The following SCAPER variants were observed in gnomAD, a reference collection of about 807,000 sequenced individuals.
SCAPER encodes the protein S phase cyclin A-associated protein in the endoplasmic reticulum.
Under a neutral mutation model 182.2 loss-of-function variants are expected in SCAPER, and 98 were observed. That is an observed-to-expected ratio of 0.54 (90% CI 0.46 to 0.64). The LOEUF is 0.64. Ranked by LOEUF, SCAPER falls within the 30% of genes least tolerant of loss-of-function variation. The probability of loss-of-function intolerance (pLI) is 0.00; values close to 1 mark genes in which losing one functional copy is unlikely to be tolerated. For missense variants in SCAPER, 1,432 were observed against 1,690.0 expected, an observed-to-expected ratio of 0.85 and a Z score of 2.68; for synonymous variants, 605 against 564.6, an observed-to-expected ratio of 1.07 and a Z score of -1.01.
intron 23 of SCAPER, among the ~76,000 whole-genome samples, chr15:76,508,240 C>T (rs772189433): frequency 1.3e-5 from 2 of 152,100 alleles, no homozygotes; most frequent in Non-Finnish European, 2.9e-5. Context: ...CTGCCTGTAG[C>T]AGTATTTCAT....
intron 23 of SCAPER, among the ~76,000 whole-genome samples, chr15:76,524,689 G>GTTTGTTTTTTTTTTTTT (rs2043058673): frequency 6.0e-5 from 3 of 50,110 alleles, no homozygotes; most frequent in Non-Finnish European, 7.0e-5. Context: ...TTTTTGTTCT[G>GTTTGTTTTTTTTTTTTT]TTTTTTTTTT....
chr15:76,677,678 T>C (rs1424088393), intron 20 of SCAPER, among the ~76,000 whole-genome samples: 1 of 151,124 alleles, frequency 6.6e-6, no homozygotes, highest in Non-Finnish European at 1.5e-5. Flanking sequence ...TATGCAGACA[T>C]GATCTCATCA....
intron 22 of SCAPER, among the ~76,000 whole-genome samples, chr15:76,603,056 T>C (rs2050045073): frequency 8.5e-6 from 1 of 117,178 alleles, no homozygotes; most frequent in South Asian, 2.7e-4. Context: ...TTATTATACT[T>C]TAAGTTTTAG....
chr15:76,744,210 C>G (rs1598474277), intron 15 of SCAPER, among the ~76,000 whole-genome samples: 2 of 152,072 alleles, frequency 1.3e-5, no homozygotes, highest in Admixed American at 1.3e-4. Flanking sequence ...AGGAAATACC[C>G]TTCTTGACAT....
intron 17 of SCAPER, among the ~76,000 whole-genome samples, chr15:76,717,025 G>T (rs2059921463): frequency 3.3e-5 from 5 of 151,392 alleles, no homozygotes; most frequent in Non-Finnish European, 4.4e-5. Flanking sequence ...TTTAAAAACA[G>T]CAAGAGAAAA....
At chr15:76,604,894 T>C (rs2050239362) in intron 22 of SCAPER, among the ~76,000 whole-genome samples, 1 of 152,038 alleles carries the variant, frequency 6.6e-6, no homozygotes, top group Admixed American at 6.6e-5. Flanking sequence ...GAGACTTTGC[T>C]GAAGTTGCTT....
chr15:76,708,535 T>C (rs913667368), intron 17 of SCAPER, among the ~76,000 whole-genome samples: 1 of 151,226 alleles, frequency 6.6e-6, no homozygotes, highest in African/African-American at 2.4e-5. Context: ...TAGTTTCAAA[T>C]CAATCAACTA....
At chr15:76,497,266 G>A (rs1411230082) in intron 24 of SCAPER, among the ~76,000 whole-genome samples, 1 of 151,922 alleles carries the variant, frequency 6.6e-6, no homozygotes, top group Non-Finnish European at 1.5e-5. Flanking sequence ...CTTCCCAAAT[G>A]CAAATTCCTG....
intron 23 of SCAPER, among the ~76,000 whole-genome samples, chr15:76,515,210 C>T (rs1000365718): frequency 6.6e-5 from 10 of 152,126 alleles, no homozygotes; most frequent in Admixed American, 3.9e-4. Context: ...CTTTGGAAGA[C>T]GCTCCCTGAG....
intron 4 of SCAPER, among the ~76,000 whole-genome samples, chr15:76,843,148 G>C (rs1173142046): frequency 1.3e-5 from 2 of 152,096 alleles, no homozygotes; most frequent in Admixed American, 6.6e-5. Context: ...ATAATCATGA[G>C]TAATTAAAAT....
chr15:76,797,650 A>C (rs904084661), intron 7 of SCAPER: 9 of 152,254 alleles, frequency 5.9e-5, no homozygotes, highest in Non-Finnish European at 1.3e-4. Flanking sequence ...CCAGGTGAGA[A>C]CTAAGAGATT....
intron 20 of SCAPER, among the ~76,000 whole-genome samples, chr15:76,699,798 G>A (rs1228183231): frequency 6.6e-6 from 1 of 152,254 alleles, no homozygotes; most frequent in Non-Finnish European, 1.5e-5. Context: ...CAAGTGCACA[G>A]GCTAGCAGTC....
chr15:76,687,402 T>C (rs538498875), intron 20 of SCAPER, among the ~76,000 whole-genome samples: 28 of 152,158 alleles, frequency 1.8e-4, no homozygotes, highest in South Asian at 6.2e-4. Flanking sequence ...AAAGTAAAAA[T>C]TAAAAATCAA....
chr15:76,596,350 A>C (rs1258722930), intron 22 of SCAPER, among the ~76,000 whole-genome samples: 1 of 114,322 alleles, frequency 8.7e-6, no homozygotes, highest in Non-Finnish European at 2.1e-5. Context: ...AAAGCCCAGG[A>C]CCAGATGGAT....
chr15:76,422,622 G>C (rs2046124394), intron 26 of SCAPER, among the ~76,000 whole-genome samples: 1 of 152,108 alleles, frequency 6.6e-6, no homozygotes, highest in African/African-American at 2.4e-5. Flanking sequence ...TCCTTCTCCT[G>C]CCTGATTGCC....
intron 26 of SCAPER, among the ~76,000 whole-genome samples, chr15:76,421,739 G>A (rs1226607406): frequency 6.6e-6 from 1 of 152,172 alleles, no homozygotes. Context: ...TTCCTCTAGG[G>A]TTTTTATGGT....
At chr15:76,857,305 T>A (rs1312694843) in intron 4 of SCAPER, among the ~76,000 whole-genome samples, 2 of 151,888 alleles carry the variant, frequency 1.3e-5, no homozygotes, top group Non-Finnish European at 2.9e-5. Context: ...TGGTGACACA[T>A]GACTGTAGTT....
At chr15:76,593,877 A>G (rs1447781408) in intron 22 of SCAPER, among the ~76,000 whole-genome samples, 3 of 120,902 alleles carry the variant, frequency 2.5e-5, no homozygotes, top group African/African-American at 5.0e-5. Context: ...AAAAACCAGC[A>G]CAAAAAGGCT....
At chr15:76,807,324 A>T (rs3110381) in intron 5 of SCAPER, among the ~76,000 whole-genome samples, 20,997 of 152,032 alleles carry the variant, frequency 0.14, 1,509 homozygotes, top group African/African-American at 0.19. Flanking sequence ...TTTTCCATTC[A>T]TTCTATTAAT....
Sources: gnomAD v4.1 joint callset for allele counts (sites outside exome capture counted in the v4.1 genomes callset) on GRCh38, gnomAD v4.1.1 for gene constraint, MANE v1.5 for transcripts, NCBI Gene and HGNC (gene_info 2026-07-23, HGNC 2026-07-21) for gene names.